Variants in CTNNA3 observed in about 807,000 individuals in gnomAD.
CTNNA3 encodes catenin alpha 3.
CTNNA3 carries 76 observed loss-of-function variants against 95.7 expected under a neutral mutation model. The ratio of observed to expected loss-of-function variants is 0.79; its 90% CI spans 0.66 to 0.96. CTNNA3 has a LOEUF of 0.96. Among genes scored for constraint, CTNNA3 ranks in the 40% least tolerant of loss-of-function variants. CTNNA3 has a pLI of 0.00. For synonymous variants in CTNNA3, 431 were observed against 374.4 expected (o/e 1.15, Z -1.74); for missense variants, 1,191 against 1,089.8 (o/e 1.09, Z -1.31).
At chr10:67,328,921 A>G (rs1589171561) in intron 5 of CTNNA3, among the ~76,000 whole-genome samples, 1 of 152,182 alleles carries the variant, frequency 6.6e-6, no homozygotes, top group East Asian at 1.9e-4. Flanking sequence ...ACATAAACAC[A>G]TGTACTTTTT....
chr10:66,444,446 G>C (rs192208028), intron 11 of CTNNA3, among the ~76,000 whole-genome samples: 30,808 of 152,044 alleles, frequency 0.2, 3,453 homozygotes, highest in South Asian at 0.3. Flanking sequence ...TACCCACAAA[G>C]GGAAAGCCAT....
intron 3 of CTNNA3, among the ~76,000 whole-genome samples, chr10:67,559,845 A>C (rs895232957): frequency 6.6e-6 from 1 of 152,216 alleles, no homozygotes; most frequent in Non-Finnish European, 1.5e-5. Context: ...AGAATGCAGA[A>C]GCCTCAGGAG....
At chr10:67,084,704 G>A (rs1457885285) in intron 7 of CTNNA3, among the ~76,000 whole-genome samples, 1 of 151,734 alleles carries the variant, frequency 6.6e-6, no homozygotes, top group East Asian at 1.9e-4. Flanking sequence ...AATAGAATGA[G>A]AAATAATAAA....
chr10:65,925,323 C>T (rs2077152581), intron 17 of CTNNA3, among the ~76,000 whole-genome samples: 1 of 152,136 alleles, frequency 6.6e-6, no homozygotes, highest in African/African-American at 2.4e-5. Context: ...ATGAAACTGT[C>T]CCCAACTTCT....
chr10:66,868,456 T>C (rs770929290), intron 7 of CTNNA3, among the ~76,000 whole-genome samples: 2 of 151,406 alleles, frequency 1.3e-5, no homozygotes, highest in Non-Finnish European at 2.9e-5. Flanking sequence ...TGTGTTGACA[T>C]AAAGAGTCAA....
intron 7 of CTNNA3, among the ~76,000 whole-genome samples, chr10:67,128,773 T>C (rs757124123): frequency 2.0e-5 from 3 of 152,234 alleles, no homozygotes; most frequent in Non-Finnish European, 2.9e-5. Flanking sequence ...ATATTTTTTA[T>C]AAATACCTAT....
At chr10:67,396,423 T>G (rs1260350651) in intron 5 of CTNNA3, among the ~76,000 whole-genome samples, 1 of 152,184 alleles carries the variant, frequency 6.6e-6, no homozygotes, top group African/African-American at 2.4e-5. Flanking sequence ...TCCAGCTATG[T>G]AATTTGATCA....
intron 16 of CTNNA3, among the ~76,000 whole-genome samples, chr10:65,968,852 G>A (rs77234538): frequency 0.04 from 6,036 of 152,236 alleles, 165 homozygotes; most frequent in Non-Finnish European, 0.058. Flanking sequence ...CTTGGTGTTT[G>A]GTACCCACTC....
intron 7 of CTNNA3, among the ~76,000 whole-genome samples, chr10:67,113,079 A>G (rs866835234): frequency 6.5e-4 from 99 of 152,242 alleles, no homozygotes; most frequent in African/African-American, 2.3e-3. Flanking sequence ...GGAGTGTCCC[A>G]GCTTTCTCCT....
intron 10 of CTNNA3, among the ~76,000 whole-genome samples, chr10:66,551,896 C>CCTT (rs1389009453): frequency 8.8e-6 from 1 of 113,966 alleles, no homozygotes; most frequent in African/African-American, 3.2e-5. Context: ...TTTTCTTTTC[C>CCTT]TTTTTTTTTT....
At position 66,154,719 on chromosome 10, in the gene CTNNA3, C is replaced by CACATATATATATATATAT. The variant is rs1554870345; in HGVS notation, c.1885-51471_1885-51470insATATATATATATATATGT. 1.1e-4 allele frequency among the ~76,000 whole-genome samples: 8 copies of CACATATATATATATATAT among 74,810 alleles called. 1 individual carries two copies. Among genetic ancestry groups the CACATATATATATATATAT allele is most frequent in the African/African-American group, 4.4e-4 (8 of 18,342 alleles). The allele number at this position is 74,810 out of a possible 152,430, so 49.1% of individuals were successfully genotyped here. A position where few individuals can be genotyped will look rare whatever the true frequency, so the allele number is the denominator to read the frequency against. On this transcript the variant is annotated intron_variant, in intron 13 of 17. Transcript: ENST00000433211. ...TCTCTCTCTACTTTTTGAAAAAGTT[C>CACATATATATATATATAT]ATATATATATATATATATATATTTC...
intron 7 of CTNNA3, among the ~76,000 whole-genome samples, chr10:66,835,403 A>G (rs1181375697): frequency 6.6e-6 from 1 of 152,210 alleles, no homozygotes; most frequent in East Asian, 1.9e-4. Context: ...AGGAATGGGA[A>G]ACTTTAGGCC....
Position 67,706,486 on chromosome 10 carries a change from G to T in CTNNA3, c.-2+56948C>A, listed in dbSNP as rs114729160. 3.8e-3 allele frequency among the ~76,000 whole-genome samples: 573 copies of T among 152,226 alleles called. 2 individuals are homozygous for T. Among genetic ancestry groups the T allele is most frequent in the African/African-American group, 0.011 (460 of 41,538 alleles). Reference sequence around the variant, plus strand: ...GAGGAAAAGTTAGTGGACTTGAAAAGTTAGGGGAACAAGGCCAACTACTTC... The same window carrying T: ...GAGGAAAAGTTAGTGGACTTGAAAATTTAGGGGAACAAGGCCAACTACTTC... On this transcript the variant is annotated intron_variant, in intron 1 of 17. Transcript: ENST00000684154.
At chr10:67,118,543 A>C (rs1375296536) in intron 7 of CTNNA3, among the ~76,000 whole-genome samples, 2 of 151,972 alleles carry the variant, frequency 1.3e-5, no homozygotes, top group East Asian at 3.9e-4. Context: ...ACTATTCAAT[A>C]ATAGCATGAA....
chr10:66,633,712 T>A (rs1408119415), intron 9 of CTNNA3, among the ~76,000 whole-genome samples: 1 of 152,098 alleles, frequency 6.6e-6, no homozygotes, highest in Non-Finnish European at 1.5e-5. Context: ...AAATTATGTA[T>A]AAATGCAAAG....
intron 1 of CTNNA3, among the ~76,000 whole-genome samples, chr10:67,711,409 T>C (rs1841107512): frequency 6.6e-6 from 1 of 152,072 alleles, no homozygotes; most frequent in Non-Finnish European, 1.5e-5. Flanking sequence ...ATATGGACAA[T>C]GAAATCCAGT....
At chr10:67,636,652 C>T (rs1283153794) in intron 2 of CTNNA3, among the ~76,000 whole-genome samples, 2 of 152,102 alleles carry the variant, frequency 1.3e-5, no homozygotes, top group African/African-American at 4.8e-5. Context: ...TACCTTACAC[C>T]ATATACAAAA....
chr10:66,374,603 AG>A (rs1394457870), intron 12 of CTNNA3, among the ~76,000 whole-genome samples: 2 of 142,126 alleles, frequency 1.4e-5, no homozygotes, highest in Admixed American at 7.2e-5. Flanking sequence ...TTGAAAGAAA[AG>A]CCTTTTTTTT....
intron 11 of CTNNA3, among the ~76,000 whole-genome samples, chr10:66,463,400 A>G (rs976386522): frequency 1.1e-4 from 16 of 152,168 alleles, no homozygotes; most frequent in African/African-American, 3.9e-4. Context: ...CCAAATGCAG[A>G]TATCAGTGCC....
Sources: allele counts gnomAD v4.1 joint callset (sites outside exome capture counted in the v4.1 genomes callset), GRCh38; gene constraint gnomAD v4.1.1; transcripts MANE v1.5; gene names NCBI Gene and HGNC (gene_info 2026-07-23, HGNC 2026-07-21).